DOK6: variants seen among roughly 807,000 people sequenced by gnomAD.
DOK6 encodes the protein downstream of tyrosine kinase 6.
A neutral mutation model predicts 44.0 loss-of-function variants in DOK6; 22 were observed. The ratio of observed to expected loss-of-function variants is 0.50; its 90% confidence interval spans 0.36 to 0.71. DOK6 has a LOEUF of 0.71. Among genes scored for constraint, DOK6 ranks in the 30% least tolerant of loss-of-function variants. The probability of loss-of-function intolerance (pLI) is 0.00; values close to 1 mark genes in which losing one functional copy is unlikely to be tolerated. For synonymous variants in DOK6, 166 were observed against 145.5 expected (o/e 1.14, Z -1.01); for missense variants, 340 against 416.4 (o/e 0.82, Z 1.60).
chr18:69,551,241 A>G (rs1982558978), intron 1 of DOK6, among the ~76,000 whole-genome samples: 1 of 152,234 alleles, frequency 6.6e-6, no homozygotes. Flanking sequence ...ACACAGTTAC[A>G]TTAAAAAATA....
At chr18:69,533,376 C>A (rs1384956799) in intron 1 of DOK6, among the ~76,000 whole-genome samples, 1 of 152,014 alleles carries the variant, frequency 6.6e-6, no homozygotes, top group Non-Finnish European at 1.5e-5. Context: ...CTTGTCATGT[C>A]CTCTATAATA....
intron 1 of DOK6, among the ~76,000 whole-genome samples, chr18:69,420,945 A>T (rs1442175181): frequency 6.6e-6 from 1 of 152,154 alleles, no homozygotes; most frequent in Non-Finnish European, 1.5e-5. Context: ...TTCAATTCAC[A>T]GTCCCTGATG....
intron 7 of DOK6, among the ~76,000 whole-genome samples, chr18:69,824,055 A>ATTT (rs1423251717): frequency 0.15 from 22,868 of 151,422 alleles, 1,725 homozygotes; most frequent in East Asian, 0.24. Flanking sequence ...TTTTTTTTTA[A>ATTT]AAATTATACT....
At chr18:69,444,677 T>C (rs527322961) in intron 1 of DOK6, among the ~76,000 whole-genome samples, 1 of 147,640 alleles carries the variant, frequency 6.8e-6, no homozygotes, top group Non-Finnish European at 1.5e-5. Context: ...AGAATCTCAC[T>C]CTGTCCCCCA....
intron 1 of DOK6, among the ~76,000 whole-genome samples, chr18:69,544,235 G>A (rs1982342634): frequency 6.7e-6 from 1 of 149,926 alleles, no homozygotes; most frequent in Admixed American, 6.6e-5. Flanking sequence ...TCCAGCCTGG[G>A]TGACAGGGCA....
At chr18:69,492,498 G>A (rs1049540451) in intron 1 of DOK6, among the ~76,000 whole-genome samples, 7 of 151,914 alleles carry the variant, frequency 4.6e-5, no homozygotes, top group Admixed American at 2.6e-4. Context: ...TGCCTGTCAC[G>A]GGAGTTTGAT....
intron 3 of DOK6, among the ~76,000 whole-genome samples, chr18:69,651,862 T>C (rs531515883): frequency 2.0e-5 from 3 of 152,290 alleles, no homozygotes; most frequent in South Asian, 4.1e-4. Context: ...CTGACCTCCA[T>C]TGGTTAAATA....
chr18:69,535,443 T>G (rs2144576739), intron 1 of DOK6, among the ~76,000 whole-genome samples: 1 of 152,148 alleles, frequency 6.6e-6, no homozygotes, highest in African/African-American at 2.4e-5. Flanking sequence ...TCACTTTTTA[T>G]GTAGACAATA....
chr18:69,792,510 C>A (rs1056526576), intron 7 of DOK6, among the ~76,000 whole-genome samples: 1 of 151,892 alleles, frequency 6.6e-6, no homozygotes, highest in Non-Finnish European at 1.5e-5. Flanking sequence ...AATAGAAATG[C>A]TACTGCTTTT....
chr18:69,788,003 G>A (rs973433613), intron 7 of DOK6, among the ~76,000 whole-genome samples: 1 of 152,110 alleles, frequency 6.6e-6, no homozygotes, highest in Non-Finnish European at 1.5e-5. Context: ...TGCAGAAGTT[G>A]CTGAGTCACC....
At chr18:69,791,219 T>C (rs1980586589) in intron 7 of DOK6, among the ~76,000 whole-genome samples, 1 of 152,224 alleles carries the variant, frequency 6.6e-6, no homozygotes, top group African/African-American at 2.4e-5. Context: ...AACATGGAAG[T>C]TCAGCTATCT....
At chr18:69,723,759 T>TTTGATCCTTTC (rs1415657403) in intron 5 of DOK6, among the ~76,000 whole-genome samples, 1 of 152,182 alleles carries the variant, frequency 6.6e-6, no homozygotes, top group Non-Finnish European at 1.5e-5. Flanking sequence ...TTGATCCTCA[T>TTTGATCCTTTC]AGCAACCCTC....
intron 3 of DOK6, among the ~76,000 whole-genome samples, chr18:69,616,080 G>A (rs747356650): frequency 2.0e-5 from 3 of 152,144 alleles, no homozygotes; most frequent in African/African-American, 7.2e-5. Flanking sequence ...ATGTATCCTG[G>A]TGTCATCACT....
chr18:69,592,145 C>A (rs1032976324), intron 2 of DOK6, among the ~76,000 whole-genome samples: 1 of 151,622 alleles, frequency 6.6e-6, no homozygotes, highest in African/African-American at 2.4e-5. Context: ...GTTCTAATAT[C>A]TCTTATAGAA....
chr18:69,655,882 AG>A (rs1372349850), intron 3 of DOK6, among the ~76,000 whole-genome samples: 1 of 152,048 alleles, frequency 6.6e-6, no homozygotes, highest in Non-Finnish European at 1.5e-5. Flanking sequence ...TGAAAGAGTA[AG>A]AATGTCCACC....
chr18:69,768,873 G>A (rs189612747), intron 7 of DOK6, among the ~76,000 whole-genome samples: 2 of 151,054 alleles, frequency 1.3e-5, no homozygotes, highest in African/African-American at 2.4e-5. Context: ...TTCGAACTTC[G>A]AACCACCCAA....
intron 3 of DOK6, among the ~76,000 whole-genome samples, chr18:69,641,256 T>TA (rs781012723): frequency 6.9e-4 from 105 of 151,432 alleles, no homozygotes; most frequent in Non-Finnish European, 9.6e-4. Context: ...AATGATAAAA[T>TA]AAATATGAAG....
chr18:69,731,750 T>A (rs537302854), intron 5 of DOK6, among the ~76,000 whole-genome samples: 7 of 152,166 alleles, frequency 4.6e-5, no homozygotes, highest in Non-Finnish European at 7.4e-5. Flanking sequence ...CTAAATACTA[T>A]TAAAATTTGG....
intron 5 of DOK6, among the ~76,000 whole-genome samples, chr18:69,731,034 G>A (rs563972223): frequency 7.2e-5 from 11 of 152,156 alleles, no homozygotes; most frequent in Admixed American, 5.9e-4. Context: ...TATTTGCCCC[G>A]AGTATCTTAG....
Sources: gnomAD v4.1 joint callset for allele counts (sites outside exome capture counted in the v4.1 genomes callset) on GRCh38, gnomAD v4.1.1 for gene constraint, MANE v1.5 for transcripts, NCBI Gene and HGNC (gene_info 2026-07-23, HGNC 2026-07-21) for gene names.